TRPM3: variants seen among roughly 807,000 people sequenced by gnomAD.
TRPM3 encodes the protein long transient receptor potential channel 3.
Under a neutral mutation model 181.2 loss-of-function variants are expected in TRPM3, and 77 were observed. The observed-to-expected ratio is 0.42, with a 90% confidence interval of 0.35 to 0.51. The LOEUF (loss-of-function observed/expected upper bound fraction) is 0.51, where lower values mean the gene tolerates loss of function less well. Ranked by LOEUF, TRPM3 falls within the 20% of genes least tolerant of loss-of-function variation. The probability of loss-of-function intolerance (pLI) is 0.01; values close to 1 mark genes in which losing one functional copy is unlikely to be tolerated. For synonymous variants in TRPM3, 745 were observed against 796.4 expected, an observed-to-expected ratio of 0.94 and a Z score of 1.09; for missense variants, 1,759 against 2,196.7, an observed-to-expected ratio of 0.80 and a Z score of 3.98.
rs148995615 is a variant in TRPM3 at position 70,908,499 on chromosome 9, C to T, written c.178-43988G>A. On this transcript the variant is annotated intron_variant, in intron 1 of 25. Coordinates refer to ENST00000677713, the MANE Select transcript of TRPM3 (RefSeq NM_001366145.2). ...GGCCAAAATCCAGGAGGGAAGGGAG[C>T]CCATATAGCTAAGGAAAACAATACT... Among the ~76,000 whole-genome samples, 486 of 152,268 alleles carry T rather than the reference C, an allele frequency of 3.2e-3. 4 individuals carry two copies. The highest frequency in any genetic ancestry group is 0.011 in the African/African-American group (459 of 41,536).
chr9:70,826,918 C>T (rs2093590741), intron 6 of TRPM3: 1 of 152,198 alleles, frequency 6.6e-6, no homozygotes, highest in Admixed American at 6.5e-5. Flanking sequence ...AGATTGCTTT[C>T]ATACCTAAAT....
intron 1 of TRPM3, among the ~76,000 whole-genome samples, chr9:70,998,216 TATATATAC>T (rs2097562827): frequency 1.4e-5 from 2 of 140,104 alleles, no homozygotes; most frequent in African/African-American, 2.6e-5. Context: ...TATATACACA[TATATATAC>T]ATATACACAC....
intron 9 of TRPM3, among the ~76,000 whole-genome samples, chr9:70,672,343 G>T (rs968036555): frequency 6.6e-6 from 1 of 152,094 alleles, no homozygotes; most frequent in Admixed American, 6.6e-5. Context: ...TTCTCAGTTA[G>T]CTGGGCATGA....
intron 21 of TRPM3, among the ~76,000 whole-genome samples, chr9:70,596,599 C>T (rs934507705): frequency 1.3e-5 from 2 of 151,500 alleles, no homozygotes; most frequent in Non-Finnish European, 2.9e-5. Flanking sequence ...GGCGTGGTGG[C>T]AGGTGACTGT....
intron 7 of TRPM3, among the ~76,000 whole-genome samples, chr9:70,763,590 C>T (rs2078557743): frequency 6.6e-6 from 1 of 152,138 alleles, no homozygotes; most frequent in African/African-American, 2.4e-5. Flanking sequence ...CTGAATGATT[C>T]TGTGGTCTTA....
chr9:70,813,095 C>T (rs1003174805), intron 6 of TRPM3, among the ~76,000 whole-genome samples: 5 of 140,332 alleles, frequency 3.6e-5, no homozygotes, highest in Admixed American at 1.4e-4. Flanking sequence ...AGTCAGAACA[C>T]GTGACTGTGA....
rs111227931 is a variant in TRPM3, at chr9:70,683,421, C to T, written c.1273-1843G>A. On this transcript the variant is annotated intron_variant, in intron 8 of 25. Transcript: ENST00000677713. ...TTTCCTTCCTTTTCTCTCTTTCTCT[C>T]TCTCTCCTTTTTTTTTTTTTTTTTT... 4.6e-5 allele frequency among the ~76,000 whole-genome samples: 5 copies of T among 107,726 alleles called. 1 individual carries two copies. The highest frequency in any genetic ancestry group is 2.4e-4 in the East Asian group (1 of 4,186). 70.7% of individuals were successfully genotyped at this position (107,726 alleles called of 152,430 possible).
chr9:70,604,677 C>T (rs1006674031), intron 19 of TRPM3, among the ~76,000 whole-genome samples: 1 of 152,164 alleles, frequency 6.6e-6, no homozygotes, highest in African/African-American at 2.4e-5. Context: ...GGGTCTCACT[C>T]TCGTCACCCA....
intron 1 of TRPM3, among the ~76,000 whole-genome samples, chr9:71,384,105 T>C (rs10121192): frequency 3.8e-3 from 586 of 152,348 alleles, no homozygotes; most frequent in African/African-American, 0.014. Context: ...ATATATCATA[T>C]ATTCTGGTGG....
intron 1 of TRPM3, among the ~76,000 whole-genome samples, chr9:71,089,834 C>A (rs2065906748): frequency 6.6e-6 from 1 of 151,996 alleles, no homozygotes; most frequent in Non-Finnish European, 1.5e-5. Context: ...TTATAGGCTG[C>A]CATCAGAGAG....
intron 1 of TRPM3, among the ~76,000 whole-genome samples, chr9:71,105,559 G>A (rs912832820): frequency 1.3e-5 from 2 of 152,106 alleles, no homozygotes; most frequent in Non-Finnish European, 2.9e-5. Context: ...CTATGGGGTG[G>A]TCCCTAGTTG....
At chr9:70,799,595 CTT>C (rs2088294552) in intron 6 of TRPM3, among the ~76,000 whole-genome samples, 1 of 152,192 alleles carries the variant, frequency 6.6e-6, no homozygotes, top group Admixed American at 6.5e-5. Context: ...AGCCTCTTGT[CTT>C]TCCTTTACTT....
At chr9:71,016,558 G>A (rs12345975) in intron 1 of TRPM3, among the ~76,000 whole-genome samples, 432 of 152,012 alleles carry the variant, frequency 2.8e-3, no homozygotes, top group African/African-American at 9.7e-3. Flanking sequence ...TAACATCTTC[G>A]AGATCCATCC....
At chr9:70,654,722 A>T (rs1452652897) in intron 9 of TRPM3, among the ~76,000 whole-genome samples, 1 of 145,950 alleles carries the variant, frequency 6.9e-6, no homozygotes, top group African/African-American at 2.6e-5. Flanking sequence ...TCGCTCTGTC[A>T]CCCAGGCTGG....
At chr9:70,927,073 G>T (rs2096728030) in intron 1 of TRPM3, among the ~76,000 whole-genome samples, 1 of 152,160 alleles carries the variant, frequency 6.6e-6, no homozygotes. Flanking sequence ...TGGTTGAAGA[G>T]CTAAGTCTTA....
chr9:71,162,619 C>G (rs571523891), intron 1 of TRPM3, among the ~76,000 whole-genome samples: 1 of 152,010 alleles, frequency 6.6e-6, no homozygotes, highest in Admixed American at 6.6e-5. Context: ...GTTCAGAGAA[C>G]TTATTTGAAT....
intron 1 of TRPM3, among the ~76,000 whole-genome samples, chr9:70,891,344 A>G (rs1264469299): frequency 6.6e-6 from 1 of 152,220 alleles, no homozygotes; most frequent in Non-Finnish European, 1.5e-5. Flanking sequence ...AGGGAATAAA[A>G]TAGCTAAATC....
intron 1 of TRPM3, among the ~76,000 whole-genome samples, chr9:71,416,540 T>G (rs2093639873): frequency 6.6e-6 from 1 of 151,916 alleles, no homozygotes; most frequent in African/African-American, 2.4e-5. Context: ...GTATCATTGT[T>G]GATGAAAAGG....
At chr9:71,164,610 G>A (rs1372313556) in intron 1 of TRPM3, among the ~76,000 whole-genome samples, 1 of 152,080 alleles carries the variant, frequency 6.6e-6, no homozygotes. Context: ...ATAAAGACAG[G>A]AGACAATTGT....
Sources: gnomAD v4.1 joint callset for allele counts (sites outside exome capture counted in the v4.1 genomes callset) on GRCh38, gnomAD v4.1.1 for gene constraint, MANE v1.5 for transcripts, NCBI Gene and HGNC (gene_info 2026-07-23, HGNC 2026-07-21) for gene names.